UBN2: variants seen among roughly 807,000 people sequenced by gnomAD.
UBN2 encodes ubinuclein 2.
A neutral mutation model predicts 120.2 loss-of-function variants in UBN2; 35 were observed. The ratio of observed to expected loss-of-function variants is 0.29; its 90% CI spans 0.22 to 0.39. The LOEUF (loss-of-function observed/expected upper bound fraction) is 0.39. Ranked by LOEUF, UBN2 falls within the 10% of genes least tolerant of loss-of-function variation. UBN2 has a pLI of 1.00. For synonymous variants in UBN2, 661 were observed against 648.7 expected, an observed-to-expected ratio of 1.02 and a Z score of -0.29; for missense variants, 1,693 against 1,663.2, an observed-to-expected ratio of 1.02 and a Z score of -0.31.
At chr7:139,319,794 C>T in the UBN2 span, among the ~76,000 whole-genome samples, 1 of 152,052 alleles carries the variant, frequency 6.6e-6, no homozygotes, top group Non-Finnish European at 1.5e-5. Flanking sequence ...ACCCAACACT[C>T]AGGCGGGTGT....
the UBN2 span, among the ~76,000 whole-genome samples, chr7:139,322,617 C>CTTT: frequency 2.0e-3 from 210 of 102,764 alleles, 2 homozygotes; most frequent in Admixed American, 2.2e-3. Context: ...ACCATCTGGA[C>CTTT]TTTTTTTTTT....
At position 139,284,449 on chromosome 7, in the gene UBN2, G is replaced by C. The variant is rs759073844; in HGVS notation, c.3544G>C (p.Gly1182Arg). Residue 1182 changes from glycine to arginine, a missense_variant, in exon 15 of 18, where the codon GGA becomes CGA. By Grantham distance (125) the Gly-to-Arg change is moderately radical (BLOSUM62 -2). Around this residue, in one of 5 missense-constraint regions of UBN2, gnomAD observed 837 missense variants for 817.6 expected, o/e 1.02. Coordinates refer to ENST00000473989, the MANE Select transcript of UBN2 (RefSeq NM_173569.4). ...CAGAGGTAGCAACCTTAACTCAAGC[G>C]GAGCTAATAGGACTAGTCTGTCTGG... ...ASRGSNLNSS[G>R]ANRTSLSGGT... The C allele has an allele frequency of 4.7e-5, 76 of 1,614,026 alleles. No homozygotes were observed. Among genetic ancestry groups the C allele is most frequent in the Non-Finnish European group, 6.3e-5 (74 of 1,180,028 alleles).
In UBN2 at chr7:139,258,482, A is replaced by G; in HGVS notation, c.664-6A>G. On this transcript the variant is annotated splice_region_variant and splice_polypyrimidine_tract_variant and intron_variant, in intron 3 of 17. Transcript: ENST00000473989. ...ATAGCGGAAACTTTTTTGTTTTTTAATCTAGTATGATGAATTAGTTCCCGC... is the reference window on the plus strand; with the variant it reads ...ATAGCGGAAACTTTTTTGTTTTTTAGTCTAGTATGATGAATTAGTTCCCGC... 1.3e-6 allele frequency: 2 copies of G among 1,555,458 alleles called. No homozygotes were observed. Among genetic ancestry groups the G allele is most frequent in the Non-Finnish European group, 1.7e-6 (2 of 1,149,330 alleles).
At chr7:139,271,083 G>C (rs886847667) in intron 8 of UBN2, among the ~76,000 whole-genome samples, 1 of 152,102 alleles carries the variant, frequency 6.6e-6, no homozygotes, top group African/African-American at 2.4e-5. Context: ...CGCCTGGCCA[G>C]ATGTTCACAT....
chr7:139,310,342 A>G (rs1798431357), downstream of UBN2, among the ~76,000 whole-genome samples: 1 of 152,160 alleles, frequency 6.6e-6, no homozygotes, highest in Non-Finnish European at 1.5e-5. Flanking sequence ...GGTAGGGGAA[A>G]AAAGTACAAA....
the UBN2 span, among the ~76,000 whole-genome samples, chr7:139,323,710 C>T: frequency 6.6e-6 from 1 of 151,904 alleles, no homozygotes; most frequent in African/African-American, 2.4e-5. Flanking sequence ...TTGCCTCAGC[C>T]TCCTGAGTAG....
downstream of UBN2, among the ~76,000 whole-genome samples, chr7:139,309,963 TTTAC>T: frequency 6.6e-6 from 1 of 152,336 alleles, no homozygotes; most frequent in African/African-American, 2.4e-5. Flanking sequence ...TATTTTTCCT[TTTAC>T]TTAAATATAT....
chr7:139,264,732 G>C (rs1481630739), intron 6 of UBN2, among the ~76,000 whole-genome samples: 1 of 152,086 alleles, frequency 6.6e-6, no homozygotes, highest in Non-Finnish European at 1.5e-5. Context: ...GGGACTAGAA[G>C]GTGCATGCCA....
the UBN2 span, among the ~76,000 whole-genome samples, chr7:139,317,510 C>T: frequency 1.5e-4 from 23 of 151,890 alleles, no homozygotes; most frequent in African/African-American, 5.1e-4. Flanking sequence ...TTTTCTGAAA[C>T]TCGTATTAGG....
At chr7:139,311,237 C>T (rs1798443246), downstream of UBN2, among the ~76,000 whole-genome samples, 1 of 152,222 alleles carries the variant, frequency 6.6e-6, no homozygotes, top group South Asian at 2.1e-4. Context: ...TCTTCTCAGG[C>T]AGGCATACTC....
At chr7:139,274,684 C>CTCAA (rs1797387579) in intron 11 of UBN2, among the ~76,000 whole-genome samples, 1 of 151,910 alleles carries the variant, frequency 6.6e-6, no homozygotes. Flanking sequence ...ATCGCTTGAA[C>CTCAA]CCCAGAGGTG....
chr7:139,262,258 C>T (rs938591058), intron 6 of UBN2, among the ~76,000 whole-genome samples: 2 of 151,964 alleles, frequency 1.3e-5, no homozygotes, highest in African/African-American at 4.8e-5. Context: ...CACCATCTCC[C>T]CCGGCTAATT....
At chr7:139,274,116 T>G (rs773902553) in intron 11 of UBN2, 42 bp downstream of exon 11, 2 of 1,529,046 alleles carry the variant, frequency 1.3e-6, no homozygotes, top group East Asian at 2.4e-5. Context: ...ATTTTATTAT[T>G]ATTGCTGTTA....
intron 2 of UBN2, among the ~76,000 whole-genome samples, chr7:139,241,093 A>T (rs575858595): frequency 6.6e-6 from 1 of 152,198 alleles, no homozygotes; most frequent in Non-Finnish European, 1.5e-5. Context: ...TAGGTAATAT[A>T]TGCCTTTTAT....
chr7:139,284,617 TATA>T (rs1474530454), intron 15 of UBN2, 43 bp downstream of exon 15: 1 of 1,507,684 alleles, frequency 6.6e-7, no homozygotes, highest in Non-Finnish European at 8.9e-7. Context: ...TATAAGATTG[TATA>T]ATGTCGTCTT....
intron 7 of UBN2, among the ~76,000 whole-genome samples, chr7:139,267,682 G>A (rs1797142030): frequency 6.6e-6 from 1 of 152,192 alleles, no homozygotes; most frequent in African/African-American, 2.4e-5. Context: ...ATTGATCATT[G>A]CTTCTGATAA....
rs959156899 is a variant in UBN2, at chr7:139,275,972, A to G, written c.1974-125A>G. On this transcript the variant is annotated intron_variant, in intron 11 of 17. Coordinates refer to ENST00000473989, the MANE Select transcript of UBN2 (RefSeq NM_173569.4). ...AGATTATTGAGTATACTGTACCATT[A>G]TAACTTTTACTTGGTAAATAAGCAG... 22 of 745,534 alleles carry G rather than the reference A, an allele frequency of 3.0e-5. No individual in the cohort carries two copies. In the African/African-American group the frequency reaches 3.9e-4, roughly 13 times the overall value. The allele number at this position is 745,534 out of a possible 1,614,324, so 46.2% of individuals were successfully genotyped here. A position where few individuals can be genotyped will look rare whatever the true frequency, so the allele number is the denominator to read the frequency against.
chr7:139,306,073 T>G lies in UBN2; in HGVS notation c.*8237T>G, dbSNP rs1017753639. ...TTTTAAATATTTTATAACAGAGCAC[T>G]AATGGAAACCTAATAAATACAAACA... On this transcript the variant is annotated 3_prime_UTR_variant, in exon 18 of 18. Transcript: ENST00000473989. 34 of 152,210 alleles carry G rather than the reference T, an allele frequency of 2.2e-4. No homozygotes were observed. Among genetic ancestry groups the G allele is most frequent in the African/African-American group, 6.8e-4 (28 of 41,448 alleles). 9.4% of individuals were successfully genotyped at this position (152,210 alleles called of 1,614,324 possible). A position where few individuals can be genotyped will look rare whatever the true frequency, so the allele number is the denominator to read the frequency against.
chr7:139,314,893 A>G, the UBN2 span, among the ~76,000 whole-genome samples: 1 of 151,918 alleles, frequency 6.6e-6, no homozygotes, highest in Non-Finnish European at 1.5e-5. Flanking sequence ...TTCCTTCTCA[A>G]TAACTTTTCA....
Sources: allele counts gnomAD v4.1 joint callset (sites outside exome capture counted in the v4.1 genomes callset), GRCh38; gene constraint gnomAD v4.1.1; regional missense constraint gnomAD v4.1.1; transcripts MANE v1.5; gene names NCBI Gene and HGNC (gene_info 2026-07-23, HGNC 2026-07-21).